SNTG1: variants seen among roughly 807,000 people sequenced by gnomAD.
SNTG1 encodes the protein gamma-1-syntrophin.
Under a neutral mutation model 74.7 loss-of-function variants are expected in SNTG1, and 39 were observed. The ratio of observed to expected loss-of-function variants is 0.52; its 90% CI spans 0.40 to 0.68. The LOEUF is 0.68. Among genes scored for constraint, SNTG1 ranks in the 30% least tolerant of loss-of-function variants. The pLI is 0.00. For missense variants in SNTG1, 685 were observed against 609.5 expected (o/e 1.12, Z -1.30); for synonymous variants, 254 against 217.1 (o/e 1.17, Z -1.49).
rs187099326 is a variant in SNTG1, at chr8:50,032,969, C to T, written c.-103+120738C>T. On this transcript the variant is annotated intron_variant, in intron 1 of 18. Transcript: ENST00000642720. ...TTCTTTAGATAACTACTCAAAATTT[C>T]CTACATAGACATTTTATTGGACCTC... 9.1e-4 allele frequency among the ~76,000 whole-genome samples: 139 copies of T among 152,044 alleles called. 1 individual carries two copies. The highest frequency in any genetic ancestry group is 3.1e-3 in the African/African-American group (130 of 41,452).
At chr8:50,369,416 G>C (rs2092211186) in intron 2 of SNTG1, among the ~76,000 whole-genome samples, 1 of 152,038 alleles carries the variant, frequency 6.6e-6, no homozygotes, top group Non-Finnish European at 1.5e-5. Flanking sequence ...GACCAACATG[G>C]GGAAACCCCA....
At chr8:50,093,584 C>G (rs2131177500) in intron 1 of SNTG1, among the ~76,000 whole-genome samples, 1 of 152,174 alleles carries the variant, frequency 6.6e-6, no homozygotes, top group South Asian at 2.1e-4. Flanking sequence ...GCCTGAAGTT[C>G]TTTCCTACAG....
chr8:50,259,930 A>G (rs1287935685), intron 2 of SNTG1, among the ~76,000 whole-genome samples: 1 of 152,150 alleles, frequency 6.6e-6, no homozygotes, highest in Non-Finnish European at 1.5e-5. Context: ...AAACTGGTGG[A>G]TGAGTATTAA....
At chr8:50,766,492 T>A (rs1221009359) in intron 18 of SNTG1, among the ~76,000 whole-genome samples, 1 of 151,992 alleles carries the variant, frequency 6.6e-6, no homozygotes, top group Non-Finnish European at 1.5e-5. Context: ...GAACGTATTA[T>A]AAATGAAATG....
chr8:50,313,225 A>G (rs1192152742), intron 2 of SNTG1, among the ~76,000 whole-genome samples: 1 of 149,982 alleles, frequency 6.7e-6, no homozygotes, highest in Non-Finnish European at 1.5e-5. Flanking sequence ...AGAAAAACTT[A>G]GAGGAAAAGC....
intron 13 of SNTG1, among the ~76,000 whole-genome samples, chr8:50,641,795 A>T (rs2095075099): frequency 6.6e-6 from 1 of 152,044 alleles, no homozygotes; most frequent in Non-Finnish European, 1.5e-5. Flanking sequence ...GTTTTTTCTT[A>T]CACCTTTGTG....
chr8:50,109,024 A>T (rs113855014), intron 1 of SNTG1, among the ~76,000 whole-genome samples: 2 of 152,160 alleles, frequency 1.3e-5, no homozygotes, highest in African/African-American at 4.8e-5. Context: ...CCATTATTGA[A>T]TATAAAGGGA....
At chr8:50,185,432 T>C (rs1177975059) in intron 2 of SNTG1, among the ~76,000 whole-genome samples, 2 of 152,192 alleles carry the variant, frequency 1.3e-5, no homozygotes, top group Admixed American at 1.3e-4. Flanking sequence ...GTGAGTGTGA[T>C]AATGGACTAA....
intron 1 of SNTG1, among the ~76,000 whole-genome samples, chr8:50,012,630 CAGTT>C (rs1430120693): frequency 6.6e-6 from 1 of 152,066 alleles, no homozygotes; most frequent in Non-Finnish European, 1.5e-5. Context: ...ATTGAAAAGA[CAGTT>C]TGTTACTCAC....
intron 4 of SNTG1, among the ~76,000 whole-genome samples, chr8:50,411,325 G>T (rs1455739009): frequency 6.6e-6 from 1 of 151,836 alleles, no homozygotes; most frequent in African/African-American, 2.4e-5. Flanking sequence ...GCGGGCGCCT[G>T]TAGTGCCCGC....
chr8:49,912,002 G>A lies in SNTG1; in HGVS notation c.-332G>A, dbSNP rs1207539839. 1.3e-5 allele frequency: 2 copies of A among 152,382 alleles called. No individual in the cohort carries two copies. Among genetic ancestry groups the A allele is most frequent in the Non-Finnish European group, 2.9e-5 (2 of 68,176 alleles). 9.4% of individuals were successfully genotyped at this position (152,382 alleles called of 1,614,324 possible). Reference sequence around the variant, plus strand: ...AAGAATCATTTTTCTATAGGGGTCTGGGAGGAATTCTGGAGGAGAGTAAAG... The same window carrying A: ...AAGAATCATTTTTCTATAGGGGTCTAGGAGGAATTCTGGAGGAGAGTAAAG... On this transcript the variant is annotated 5_prime_UTR_variant, in exon 1 of 19. Coordinates refer to ENST00000642720, the MANE Select transcript of SNTG1 (RefSeq NM_018967.5).
At chr8:50,094,010 C>T (rs1201304275) in intron 1 of SNTG1, among the ~76,000 whole-genome samples, 3 of 152,170 alleles carry the variant, frequency 2.0e-5, no homozygotes, top group African/African-American at 7.2e-5. Context: ...GTTTGGTTTT[C>T]ATTTATGTAT....
At chr8:49,916,787 C>T (rs1437618031) in intron 1 of SNTG1, among the ~76,000 whole-genome samples, 1 of 151,886 alleles carries the variant, frequency 6.6e-6, no homozygotes, top group Non-Finnish European at 1.5e-5. Flanking sequence ...AAGAGGATCA[C>T]TTGAAGCCAG....
chr8:50,541,564 ACATGTGAT>A (rs2094347200), intron 11 of SNTG1, among the ~76,000 whole-genome samples: 1 of 152,132 alleles, frequency 6.6e-6, no homozygotes, highest in Admixed American at 6.6e-5. Context: ...GTTTTAGAAT[ACATGTGAT>A]CATTTAATAC....
intron 2 of SNTG1, among the ~76,000 whole-genome samples, chr8:50,229,589 G>A (rs2085511822): frequency 6.6e-6 from 1 of 151,394 alleles, no homozygotes; most frequent in Non-Finnish European, 1.5e-5. Flanking sequence ...AATTTGTGAG[G>A]CAAAACTTGA....
At chr8:50,513,985 A>G (rs2094109667) in intron 9 of SNTG1, among the ~76,000 whole-genome samples, 1 of 152,224 alleles carries the variant, frequency 6.6e-6, no homozygotes, top group Admixed American at 6.5e-5. Flanking sequence ...AAATGCAGGA[A>G]TCACCCGTCT....
At chr8:50,463,277 TG>T (rs759497530) in intron 8 of SNTG1, among the ~76,000 whole-genome samples, 20 of 152,258 alleles carry the variant, frequency 1.3e-4, no homozygotes, top group Middle Eastern at 6.8e-3. Context: ...AAAACAGAAA[TG>T]TTTTTTTAAT....
chr8:50,511,156 C>T (rs186733539), intron 9 of SNTG1, among the ~76,000 whole-genome samples: 108 of 152,226 alleles, frequency 7.1e-4, no homozygotes, highest in Middle Eastern at 3.4e-3. Context: ...TTTATTTCTG[C>T]CTTCATTTAG....
chr8:50,495,729 A>G (rs1340105489), intron 8 of SNTG1, among the ~76,000 whole-genome samples: 1 of 152,142 alleles, frequency 6.6e-6, no homozygotes, highest in African/African-American at 2.4e-5. Flanking sequence ...CATGGCTAGC[A>G]ACTGCCATGA....
Sources: gnomAD v4.1 joint callset for allele counts (sites outside exome capture counted in the v4.1 genomes callset) on GRCh38, gnomAD v4.1.1 for gene constraint, MANE v1.5 for transcripts, NCBI Gene and HGNC (gene_info 2026-07-23, HGNC 2026-07-21) for gene names.